The following FCHSD2 variants were observed in gnomAD, a reference collection of about 807,000 sequenced individuals.
The protein encoded by FCHSD2 is FCH and double SH3 domains 2.
Under a neutral mutation model 108.1 loss-of-function variants are expected in FCHSD2, and 38 were observed. That is an observed-to-expected ratio of 0.35 (90% confidence interval 0.27 to 0.46). The LOEUF (loss-of-function observed/expected upper bound fraction) is 0.46. Ranked by LOEUF, FCHSD2 falls within the 20% of genes least tolerant of loss-of-function variation. The probability of loss-of-function intolerance (pLI) is 1.00; values close to 1 mark genes in which losing one functional copy is unlikely to be tolerated. For synonymous variants in FCHSD2, 279 were observed against 314.7 expected (o/e 0.89, Z 1.20); for missense variants, 751 against 897.8 (o/e 0.84, Z 2.09).
intron 13 of FCHSD2, among the ~76,000 whole-genome samples, chr11:72,860,405 A>T (rs1861539959): frequency 6.6e-6 from 1 of 152,246 alleles, no homozygotes; most frequent in African/African-American, 2.4e-5. Context: ...AAGCTCAAAA[A>T]GTTTAAAAGG....
chr11:72,869,669 G>C (rs1253222435), intron 12 of FCHSD2: 1 of 152,178 alleles, frequency 6.6e-6, no homozygotes, highest in Non-Finnish European at 1.5e-5. Context: ...ATTTTGACAA[G>C]GGCATGGTAT....
chr11:72,943,157 A>C (rs542557136), intron 8 of FCHSD2, among the ~76,000 whole-genome samples: 3 of 151,912 alleles, frequency 2.0e-5, no homozygotes, highest in African/African-American at 7.2e-5. Context: ...ATGCCCAGCT[A>C]ATTTTTTGTA....
intron 8 of FCHSD2, among the ~76,000 whole-genome samples, chr11:72,982,376 T>G (rs1857230462): frequency 6.6e-6 from 1 of 152,216 alleles, no homozygotes; most frequent in South Asian, 2.1e-4. Context: ...ATTGCTGATT[T>G]GTAAATTAAG....
intron 12 of FCHSD2, among the ~76,000 whole-genome samples, chr11:72,887,080 T>C (rs190000462): frequency 4.4e-4 from 66 of 151,592 alleles, no homozygotes; most frequent in African/African-American, 1.5e-3. Context: ...TCTGAAAATA[T>C]ATATATATAT....
At chr11:73,122,668 G>A (rs948547680) in intron 2 of FCHSD2, among the ~76,000 whole-genome samples, 1 of 152,150 alleles carries the variant, frequency 6.6e-6, no homozygotes. Context: ...GTCCAATGAA[G>A]GCATGGCAAG....
At chr11:73,139,992 G>C in intron 2 of FCHSD2, 39 bp downstream of exon 2, 1 of 1,157,534 alleles carries the variant, frequency 8.6e-7, no homozygotes, top group South Asian at 1.5e-5. Flanking sequence ...CTTTGAAACA[G>C]ACAAACAGAA....
intron 3 of FCHSD2, among the ~76,000 whole-genome samples, chr11:73,032,593 A>G (rs1322082617): frequency 6.6e-6 from 1 of 152,064 alleles, no homozygotes; most frequent in Non-Finnish European, 1.5e-5. Context: ...CTGAAAAAAA[A>G]AAAGCACAAC....
intron 2 of FCHSD2, among the ~76,000 whole-genome samples, chr11:73,094,561 G>A (rs1411514121): frequency 6.6e-6 from 1 of 152,110 alleles, no homozygotes; most frequent in African/African-American, 2.4e-5. Flanking sequence ...CTTAAATGGA[G>A]TAAAGCTCAG....
At chr11:72,928,403 C>T (rs920212511) in intron 8 of FCHSD2, among the ~76,000 whole-genome samples, 2 of 152,160 alleles carry the variant, frequency 1.3e-5, no homozygotes, top group Non-Finnish European at 2.9e-5. Context: ...ACTCTACTTC[C>T]CAACTATACT....
At chr11:72,897,125 G>A (rs775303952) in intron 10 of FCHSD2, among the ~76,000 whole-genome samples, 3 of 152,040 alleles carry the variant, frequency 2.0e-5, no homozygotes, top group Non-Finnish European at 2.9e-5. Flanking sequence ...GAGCCACCAC[G>A]CCCGGCCGTC....
At chr11:73,131,171 C>T (rs1860987373) in intron 2 of FCHSD2, among the ~76,000 whole-genome samples, 1 of 151,120 alleles carries the variant, frequency 6.6e-6, no homozygotes, top group Admixed American at 6.6e-5. Context: ...CACTTGAGAC[C>T]AGGAGTTGGA....
intron 8 of FCHSD2, among the ~76,000 whole-genome samples, chr11:72,930,417 T>C (rs1414376216): frequency 6.6e-6 from 1 of 152,210 alleles, no homozygotes; most frequent in African/African-American, 2.4e-5. Context: ...AAATAAAACA[T>C]TTTTAATTTA....
At chr11:72,922,337 C>T (rs1170810237) in intron 8 of FCHSD2, among the ~76,000 whole-genome samples, 2 of 151,958 alleles carry the variant, frequency 1.3e-5, no homozygotes, top group African/African-American at 2.4e-5. Flanking sequence ...CTCCGTTTTC[C>T]CCCAATCCAT....
chr11:73,059,477 T>A (rs895261266), intron 3 of FCHSD2, among the ~76,000 whole-genome samples: 3 of 152,170 alleles, frequency 2.0e-5, no homozygotes, highest in African/African-American at 7.2e-5. Flanking sequence ...TAAACATAAA[T>A]GTCAGATGTG....
At chr11:72,888,785 T>C (rs1487558802) in intron 11 of FCHSD2, among the ~76,000 whole-genome samples, 1 of 152,026 alleles carries the variant, frequency 6.6e-6, no homozygotes, top group Non-Finnish European at 1.5e-5. Flanking sequence ...CATGCCCGAC[T>C]AATTTTTGAA....
At chr11:72,879,594 G>C (rs745395795) in intron 12 of FCHSD2, among the ~76,000 whole-genome samples, 4 of 152,092 alleles carry the variant, frequency 2.6e-5, no homozygotes, top group African/African-American at 9.7e-5. Flanking sequence ...AGAACTTATA[G>C]AGCTAAAAAT....
At position 72,885,472 on chromosome 11, in the gene FCHSD2, T is replaced by G. The variant is rs111599136; in HGVS notation, c.1146+1998A>C. On this transcript the variant is annotated intron_variant, in intron 12 of 19. Transcript: ENST00000409418. The stretch of plus-strand genomic sequence containing the variant: ...ACAAACACAGTCTAGTTTGGCATAC[T>G]ATGGAAATAATAGGTCATCTGGCCT... Among the ~76,000 whole-genome samples, 881 of 152,302 alleles carry G rather than the reference T, an allele frequency of 5.8e-3. 4 individuals carry two copies. The highest frequency in any genetic ancestry group is 0.014 in the South Asian group (68 of 4,832).
chr11:73,122,992 G>A (rs1486547683), intron 2 of FCHSD2, among the ~76,000 whole-genome samples: 2 of 151,992 alleles, frequency 1.3e-5, no homozygotes, highest in Non-Finnish European at 2.9e-5. Context: ...ACAACTGTAA[G>A]GAACCTCATC....
chr11:72,941,662 C>T (rs1856421564), intron 8 of FCHSD2, among the ~76,000 whole-genome samples: 1 of 152,052 alleles, frequency 6.6e-6, no homozygotes, highest in Non-Finnish European at 1.5e-5. Context: ...CAGATTGTTG[C>T]TCATATATGT....
Sources: gnomAD v4.1 joint callset for allele counts (sites outside exome capture counted in the v4.1 genomes callset) on GRCh38, gnomAD v4.1.1 for gene constraint, MANE v1.5 for transcripts, NCBI Gene and HGNC (gene_info 2026-07-23, HGNC 2026-07-21) for gene names.